Variants in PRKCB observed in about 807,000 individuals in gnomAD.
PRKCB encodes the protein protein kinase C beta.
Under a neutral mutation model 81.5 loss-of-function variants are expected in PRKCB, and 13 were observed. That is an observed-to-expected ratio of 0.16 (90% CI 0.10 to 0.25). The LOEUF (loss-of-function observed/expected upper bound fraction) is 0.25. PRKCB is among the 10% of genes least tolerant of loss of function. The pLI is 1.00. For synonymous variants in PRKCB, 335 were observed against 321.4 expected (o/e 1.04, Z -0.45); for missense variants, 509 against 875.7 (o/e 0.58, Z 5.29).
intron 5 of PRKCB, among the ~76,000 whole-genome samples, chr16:24,086,602 G>A (rs776333989): frequency 3.9e-5 from 6 of 152,178 alleles, no homozygotes; most frequent in Non-Finnish European, 7.3e-5. Context: ...GAAAGCCAGG[G>A]CAATAGATTC....
intron 2 of PRKCB, among the ~76,000 whole-genome samples, chr16:23,903,562 A>G (rs555158077): frequency 6.6e-6 from 1 of 152,312 alleles, no homozygotes; most frequent in East Asian, 1.9e-4. Context: ...TAGATCTTTC[A>G]GATAGCTGGG....
intron 12 of PRKCB, among the ~76,000 whole-genome samples, chr16:24,178,613 T>C (rs1180581974): frequency 6.6e-6 from 1 of 152,242 alleles, no homozygotes; most frequent in Non-Finnish European, 1.5e-5. Flanking sequence ...CTGCAAAGCC[T>C]GGGTTTTCTG....
At chr16:24,077,714 A>G (rs114389916) in intron 5 of PRKCB, among the ~76,000 whole-genome samples, 2,481 of 152,324 alleles carry the variant, frequency 0.016, 66 homozygotes, top group Admixed American at 0.065. Context: ...CCCTTCTAAC[A>G]GATGTTTTCT....
intron 10 of PRKCB, among the ~76,000 whole-genome samples, chr16:24,161,546 T>C (rs990930684): frequency 5.3e-5 from 8 of 152,206 alleles, no homozygotes; most frequent in African/African-American, 1.9e-4. Flanking sequence ...GCAAAGTTAA[T>C]ATCCAAATAG....
chr16:24,140,537 G>C (rs915333840), intron 9 of PRKCB, among the ~76,000 whole-genome samples: 31 of 152,158 alleles, frequency 2.0e-4, no homozygotes, highest in Non-Finnish European at 1.0e-4. Flanking sequence ...GCTAGGGAAT[G>C]GGTGCTGCTG....
At chr16:23,865,062 A>G (rs1170131142) in intron 2 of PRKCB, among the ~76,000 whole-genome samples, 1 of 152,088 alleles carries the variant, frequency 6.6e-6, no homozygotes, top group Admixed American at 6.6e-5. Context: ...AAAGGACACA[A>G]TCCAAATAAG....
Position 24,152,800 on chromosome 16 carries a change from T to A in PRKCB, c.1066-1884T>A, listed in dbSNP as rs142964652. ...TAGCACTTGGAGCCCTGTCTTGCCA[T>A]GCACGTAAGCAGAGGGTCTGCAGGA... On this transcript the variant is annotated intron_variant, in intron 9 of 16. Coordinates refer to ENST00000643927, the MANE Select transcript of PRKCB (RefSeq NM_002738.7). Among the ~76,000 whole-genome samples the A allele has an allele frequency of 2.6e-5, 4 of 152,330 alleles. No individual in the cohort carries two copies. In the East Asian group the frequency reaches 7.7e-4, roughly 29 times the overall value.
chr16:24,203,220 C>T (rs1967986579), intron 16 of PRKCB: 1 of 151,516 alleles, frequency 6.6e-6, no homozygotes, highest in East Asian at 2.0e-4. Flanking sequence ...AAGCAATCCT[C>T]CTGCTCGAGT....
At chr16:23,882,162 C>G (rs1166379312) in intron 2 of PRKCB, among the ~76,000 whole-genome samples, 2 of 150,142 alleles carry the variant, frequency 1.3e-5, no homozygotes, top group Non-Finnish European at 3.0e-5. Context: ...TCATGGCAGC[C>G]TTGACCTCCT....
At chr16:24,119,537 T>C (rs1966773783) in intron 8 of PRKCB, among the ~76,000 whole-genome samples, 1 of 151,706 alleles carries the variant, frequency 6.6e-6, no homozygotes, top group Non-Finnish European at 1.5e-5. Flanking sequence ...ATGGAGACTG[T>C]GAATCAGATG....
chr16:23,984,532 T>C (rs914529503), intron 2 of PRKCB, among the ~76,000 whole-genome samples: 8 of 151,544 alleles, frequency 5.3e-5, no homozygotes, highest in Non-Finnish European at 4.4e-5. Flanking sequence ...CCAGGTAGAG[T>C]TGATAAATAT....
At chr16:24,001,999 A>T (rs1965040808) in intron 3 of PRKCB, among the ~76,000 whole-genome samples, 1 of 152,090 alleles carries the variant, frequency 6.6e-6, no homozygotes. Flanking sequence ...CCATTCCAAA[A>T]TTTAGTGGCT....
intron 2 of PRKCB, among the ~76,000 whole-genome samples, chr16:23,846,350 C>T (rs1172914848): frequency 6.6e-6 from 1 of 151,984 alleles, no homozygotes. Flanking sequence ...TGGCTCATGC[C>T]TGTAATCCCA....
chr16:23,988,897 G>A (rs1281951568), intron 3 of PRKCB, among the ~76,000 whole-genome samples: 1 of 152,124 alleles, frequency 6.6e-6, no homozygotes, highest in Non-Finnish European at 1.5e-5. Flanking sequence ...GGTAGTTTCG[G>A]TGGTACTTTG....
At chr16:23,944,275 C>G (rs1964176476) in intron 2 of PRKCB, among the ~76,000 whole-genome samples, 1 of 152,128 alleles carries the variant, frequency 6.6e-6, no homozygotes, top group Non-Finnish European at 1.5e-5. Context: ...GCCTCAAAGT[C>G]TATATAATTA....
chr16:23,840,054 GA>G (rs1156343941), intron 2 of PRKCB, among the ~76,000 whole-genome samples: 1 of 152,172 alleles, frequency 6.6e-6, no homozygotes, highest in Non-Finnish European at 1.5e-5. Flanking sequence ...GGAGTGAGGG[GA>G]GGGGCAGATT....
At chr16:24,108,268 A>G (rs1966603409) in intron 7 of PRKCB, among the ~76,000 whole-genome samples, 2 of 119,930 alleles carry the variant, frequency 1.7e-5, no homozygotes, top group South Asian at 5.1e-4. Flanking sequence ...TTTGTCCCCA[A>G]TCTTTTATTT....
chr16:23,854,292 A>T (rs1413439685), intron 2 of PRKCB, among the ~76,000 whole-genome samples: 3 of 152,160 alleles, frequency 2.0e-5, no homozygotes, highest in Admixed American at 2.0e-4. Context: ...ACTTCCAGAT[A>T]TTTGACTGGA....
intron 2 of PRKCB, among the ~76,000 whole-genome samples, chr16:23,903,408 C>T (rs773224470): frequency 3.3e-5 from 5 of 151,858 alleles, no homozygotes; most frequent in Non-Finnish European, 7.4e-5. Context: ...TCATTTCCCC[C>T]CTAACAGCAG....
Sources: allele counts gnomAD v4.1 joint callset (sites outside exome capture counted in the v4.1 genomes callset), GRCh38; gene constraint gnomAD v4.1.1; transcripts MANE v1.5; gene names NCBI Gene and HGNC (gene_info 2026-07-23, HGNC 2026-07-21).